PLS1: variants seen among roughly 807,000 people sequenced by gnomAD.
The protein encoded by PLS1 is plastin-1.
A neutral mutation model predicts 73.7 loss-of-function variants in PLS1; 32 were observed. The ratio of observed to expected loss-of-function variants is 0.43; its 90% CI spans 0.33 to 0.58. The LOEUF (loss-of-function observed/expected upper bound fraction) is 0.58. Among genes scored for constraint, PLS1 ranks in the 20% least tolerant of loss-of-function variants. The pLI, the probability that PLS1 is intolerant of heterozygous loss-of-function variation, is 0.04. For synonymous variants in PLS1, 217 were observed against 261.3 expected, an observed-to-expected ratio of 0.83 and a Z score of 1.63; for missense variants, 633 against 740.5, an observed-to-expected ratio of 0.85 and a Z score of 1.68.
chr3:142,711,230 C>T (rs1053285787), intron 14 of PLS1, among the ~76,000 whole-genome samples: 3 of 152,058 alleles, frequency 2.0e-5, no homozygotes, highest in Non-Finnish European at 4.4e-5. Flanking sequence ...GTATTTTTTA[C>T]AGAATGGACA....
Position 142,633,266 on chromosome 3 carries a change from A to C in PLS1, c.-36-30936A>C, listed in dbSNP as rs144802125. On this transcript the variant is annotated intron_variant, in intron 1 of 15. Coordinates refer to ENST00000457734, the MANE Select transcript of PLS1 (RefSeq NM_001145319.2). ...TAGTGTTTAATGGGTATAGAGTTTC[A>C]GATTGGCAAGATGACAAAGTTATAG... Among the ~76,000 whole-genome samples the C allele has an allele frequency of 4.5e-3, 689 of 152,368 alleles. 5 individuals are homozygous for C. Among genetic ancestry groups the C allele is most frequent in the African/African-American group, 0.016 (648 of 41,590 alleles).
intron 6 of PLS1, among the ~76,000 whole-genome samples, chr3:142,681,919 T>C (rs1038827402): frequency 6.6e-6 from 1 of 152,264 alleles, no homozygotes; most frequent in Non-Finnish European, 1.5e-5. Flanking sequence ...AGACATTTGA[T>C]ATGCTTGTAA....
intron 10 of PLS1, among the ~76,000 whole-genome samples, chr3:142,691,283 C>T (rs6797492): frequency 0.57 from 86,077 of 151,554 alleles, 24,840 homozygotes; most frequent in Non-Finnish European, 0.6. Context: ...TATGTAGATA[C>T]GTAACTGAGA....
At chr3:142,602,357 TATAAG>T (rs2035942127) in intron 1 of PLS1, among the ~76,000 whole-genome samples, 2 of 152,040 alleles carry the variant, frequency 1.3e-5, no homozygotes, top group Non-Finnish European at 2.9e-5. Flanking sequence ...AGTGACCAGG[TATAAG>T]GATTTCTTTC....
At chr3:142,646,954 G>T (rs2036964638) in intron 1 of PLS1, among the ~76,000 whole-genome samples, 1 of 152,206 alleles carries the variant, frequency 6.6e-6, no homozygotes, top group South Asian at 2.1e-4. Flanking sequence ...AGAAAGCATG[G>T]CTTGGAGGGA....
At chr3:142,647,507 T>TC (rs904317815) in intron 1 of PLS1, among the ~76,000 whole-genome samples, 2 of 95,712 alleles carry the variant, frequency 2.1e-5, no homozygotes, top group African/African-American at 7.3e-5. Flanking sequence ...TCTTTTCTTT[T>TC]TTTTTTTTTT....
chr3:142,653,520 C>T (rs887962348), intron 1 of PLS1, among the ~76,000 whole-genome samples: 19 of 152,038 alleles, frequency 1.2e-4, no homozygotes, highest in Admixed American at 1.2e-3. Context: ...GCCACCACGG[C>T]CGGCTAATTT....
At chr3:142,705,467 A>C (rs1021832023) in intron 14 of PLS1, among the ~76,000 whole-genome samples, 2 of 152,212 alleles carry the variant, frequency 1.3e-5, no homozygotes, top group Admixed American at 6.5e-5. Context: ...CATACCCACT[A>C]ATTTTCATGC....
intron 9 of PLS1, among the ~76,000 whole-genome samples, chr3:142,687,136 T>C (rs2037986577): frequency 1.3e-5 from 2 of 151,888 alleles, no homozygotes; most frequent in Non-Finnish European, 1.5e-5. Flanking sequence ...GGATGTCCAG[T>C]CTTTTGGCTT....
intron 1 of PLS1, among the ~76,000 whole-genome samples, chr3:142,620,932 GCTTGTA>G (rs1165927138): frequency 6.6e-6 from 1 of 152,090 alleles, no homozygotes; most frequent in Admixed American, 6.5e-5. Flanking sequence ...GCAGAAGAAT[GCTTGTA>G]CTTGGGAGGG....
chr3:142,645,585 T>G (rs2036936496), intron 1 of PLS1: 1 of 152,156 alleles, frequency 6.6e-6, no homozygotes, highest in African/African-American at 2.4e-5. Flanking sequence ...CAGGAGGTAA[T>G]ACCTGGGTTA....
At chr3:142,691,863 T>G (rs1275607802) in intron 10 of PLS1, among the ~76,000 whole-genome samples, 1 of 152,156 alleles carries the variant, frequency 6.6e-6, no homozygotes, top group Non-Finnish European at 1.5e-5. Flanking sequence ...CAATTAAATA[T>G]TAAACGCTCA....
intron 1 of PLS1, among the ~76,000 whole-genome samples, chr3:142,617,145 G>GTT (rs372954619): frequency 7.0e-6 from 1 of 142,386 alleles, no homozygotes; most frequent in African/African-American, 3.0e-5. Context: ...TGATTAGGAA[G>GTT]ATTTTTTTTT....
At chr3:142,693,927 C>G (rs1021328156) in intron 10 of PLS1, among the ~76,000 whole-genome samples, 2 of 151,786 alleles carry the variant, frequency 1.3e-5, no homozygotes, top group Non-Finnish European at 2.9e-5. Context: ...TTATATTCCC[C>G]TCATTGTGTG....
chr3:142,700,252 C>T (rs552944053), intron 12 of PLS1, among the ~76,000 whole-genome samples: 3 of 152,130 alleles, frequency 2.0e-5, no homozygotes, highest in South Asian at 2.1e-4. Flanking sequence ...CACTTTCCTT[C>T]GCTTACAAAG....
At chr3:142,692,643 G>A (rs2038110558) in intron 10 of PLS1, among the ~76,000 whole-genome samples, 3 of 152,014 alleles carry the variant, frequency 2.0e-5, no homozygotes, top group Non-Finnish European at 2.9e-5. Flanking sequence ...ATGAACCCCC[G>A]AAGATAGTTT....
intron 1 of PLS1, among the ~76,000 whole-genome samples, chr3:142,636,986 T>G (rs1353807037): frequency 6.6e-6 from 1 of 152,200 alleles, no homozygotes; most frequent in Admixed American, 6.5e-5. Context: ...GGTATAATTA[T>G]TTTGGAAAGT....
At chr3:142,619,260 G>GA (rs934646429) in intron 1 of PLS1, among the ~76,000 whole-genome samples, 1 of 152,120 alleles carries the variant, frequency 6.6e-6, no homozygotes, top group African/African-American at 2.4e-5. Flanking sequence ...CTTGGATTCA[G>GA]AAAAAAATTC....
intron 1 of PLS1, among the ~76,000 whole-genome samples, chr3:142,640,281 T>C (rs2036802549): frequency 1.3e-5 from 2 of 152,162 alleles, no homozygotes; most frequent in Non-Finnish European, 2.9e-5. Flanking sequence ...TTTGGTAGGG[T>C]TTTAGTGACT....
Sources: allele counts gnomAD v4.1 joint callset (sites outside exome capture counted in the v4.1 genomes callset), GRCh38; gene constraint gnomAD v4.1.1; transcripts MANE v1.5; gene names NCBI Gene and HGNC (gene_info 2026-07-23, HGNC 2026-07-21).